MCHR2: variants seen among roughly 807,000 people sequenced by gnomAD.
The protein encoded by MCHR2 is melanin concentrating hormone receptor 2, also known as melanin-concentrating hormone receptor 2.
MCHR2 carries 15 observed loss-of-function variants against 24.8 expected under a neutral mutation model. The ratio of observed to expected loss-of-function variants is 0.60; its 90% CI spans 0.40 to 0.93. The LOEUF is 0.93. Among genes scored for constraint, MCHR2 ranks in the 40% least tolerant of loss-of-function variants. The probability of loss-of-function intolerance (pLI) is 0.00; values close to 1 mark genes in which losing one functional copy is unlikely to be tolerated. For synonymous variants in MCHR2, 151 were observed against 147.6 expected (o/e 1.02, Z -0.17); for missense variants, 386 against 408.7 (o/e 0.94, Z 0.48).
chr6:99,992,802 C>A (rs933657413), intron 1 of MCHR2, among the ~76,000 whole-genome samples: 1 of 152,158 alleles, frequency 6.6e-6, no homozygotes, highest in South Asian at 2.1e-4. Flanking sequence ...GGCATGTCTG[C>A]TCTGCAAAAG....
intron 1 of MCHR2, among the ~76,000 whole-genome samples, chr6:99,983,126 A>T (rs934162764): frequency 8.3e-5 from 9 of 108,062 alleles, no homozygotes; most frequent in African/African-American, 2.4e-4. Context: ...ATGCCCAGCT[A>T]ATTTTTGGTT....
chr6:99,948,370 G>A lies in MCHR2; in HGVS notation c.183-399C>T, dbSNP rs1032429460. 9.2e-5 allele frequency among the ~76,000 whole-genome samples: 14 copies of A among 152,140 alleles called. 1 individual carries two copies. In the East Asian group the frequency reaches 2.5e-3, roughly 27 times the overall value. ...TGGATTGCTTTCCCTGGTGGTAGCC[G>A]GCTACCATCTTGTGAGGATACTCAA... On this transcript the variant is annotated intron_variant, in intron 2 of 5. Transcript: ENST00000281806.
chr6:99,954,910 CATA>C (rs1471762621), intron 2 of MCHR2, among the ~76,000 whole-genome samples: 1 of 152,086 alleles, frequency 6.6e-6, no homozygotes, highest in Non-Finnish European at 1.5e-5. Context: ...ATAAGTGAGA[CATA>C]ATGAATTTTG....
rs775793953 is a variant in MCHR2 at position 99,956,153 on chromosome 6, G to A, written c.-6C>T. On this transcript the variant is annotated 5_prime_UTR_variant, in exon 2 of 6. It adds an upstream start codon to the 5' untranslated region. Coordinates refer to ENST00000281806, the MANE Select transcript of MCHR2 (RefSeq NM_001040179.2). Reference sequence around the variant, plus strand: ...GATGCATGAAATGGATTCATTGTTCGTGGACTTTCCAGGGATTAAAGCTGT... The same window carrying A: ...GATGCATGAAATGGATTCATTGTTCATGGACTTTCCAGGGATTAAAGCTGT... 13 of 1,604,866 alleles carry A rather than the reference G, an allele frequency of 8.1e-6. No individual in the cohort carries two copies. Among genetic ancestry groups the A allele is most frequent in the African/African-American group, 1.3e-5 (1 of 74,590 alleles).
At chr6:99,929,606 C>G (rs1011324705) in intron 5 of MCHR2, among the ~76,000 whole-genome samples, 2 of 151,840 alleles carry the variant, frequency 1.3e-5, no homozygotes, top group African/African-American at 2.4e-5. Context: ...CCTTCTTTGT[C>G]TCTTCTGATC....
At chr6:99,927,188 GATC>G (rs1774383589) in intron 5 of MCHR2, among the ~76,000 whole-genome samples, 1 of 152,048 alleles carries the variant, frequency 6.6e-6, no homozygotes, top group South Asian at 2.1e-4. Context: ...CTGTTCCATT[GATC>G]TATATCTCTG....
At chr6:99,930,720 T>C (rs1428334157) in intron 5 of MCHR2, among the ~76,000 whole-genome samples, 1 of 152,212 alleles carries the variant, frequency 6.6e-6, no homozygotes, top group South Asian at 2.1e-4. Context: ...CTGTATTGGT[T>C]ATTCTAGTTA....
chr6:99,927,563 G>A (rs1285212532), intron 5 of MCHR2, among the ~76,000 whole-genome samples: 3 of 152,096 alleles, frequency 2.0e-5, no homozygotes, highest in Non-Finnish European at 4.4e-5. Flanking sequence ...TCCCTTGTAA[G>A]TTGGATTCCT....
chr6:99,988,814 T>C (rs1582416198), intron 1 of MCHR2, among the ~76,000 whole-genome samples: 1 of 152,322 alleles, frequency 6.6e-6, no homozygotes, highest in Middle Eastern at 3.4e-3. Flanking sequence ...TAATAGTTGA[T>C]TGTTATTGGG....
intron 5 of MCHR2, among the ~76,000 whole-genome samples, chr6:99,929,082 C>A (rs1290401064): frequency 6.6e-6 from 1 of 152,106 alleles, no homozygotes; most frequent in Non-Finnish European, 1.5e-5. Context: ...TTTCTGCCTT[C>A]ATTTCGTTAT....
intron 2 of MCHR2, among the ~76,000 whole-genome samples, chr6:99,954,106 C>T (rs1046099011): frequency 6.6e-6 from 1 of 152,054 alleles, no homozygotes; most frequent in African/African-American, 2.4e-5. Flanking sequence ...GCAAATCCAA[C>T]AACTGTCTCT....
At chr6:99,950,160 T>C (rs987753863) in intron 2 of MCHR2, among the ~76,000 whole-genome samples, 1 of 152,154 alleles carries the variant, frequency 6.6e-6, no homozygotes, top group Non-Finnish European at 1.5e-5. Context: ...GTCTAGATGA[T>C]ATTCTGTATA....
intron 4 of MCHR2, among the ~76,000 whole-genome samples, chr6:99,935,347 A>G (rs1774634949): frequency 6.6e-6 from 1 of 151,998 alleles, no homozygotes; most frequent in Non-Finnish European, 1.5e-5. Flanking sequence ...CCACTTAATT[A>G]TCTTTTCTTC....
intron 4 of MCHR2, among the ~76,000 whole-genome samples, chr6:99,937,396 G>C (rs1395988587): frequency 6.6e-6 from 1 of 151,812 alleles, no homozygotes; most frequent in East Asian, 1.9e-4. Flanking sequence ...TAACCAGTTT[G>C]ATGAGGGTTT....
intron 1 of MCHR2, among the ~76,000 whole-genome samples, chr6:99,961,682 G>T (rs866329110): frequency 1.3e-5 from 2 of 151,988 alleles, no homozygotes; most frequent in Admixed American, 1.3e-4. Flanking sequence ...CAGGGTGGGG[G>T]ACATCACACA....
intron 1 of MCHR2, among the ~76,000 whole-genome samples, chr6:99,987,740 AC>A (rs1396761094): frequency 2.0e-5 from 3 of 152,202 alleles, no homozygotes; most frequent in Admixed American, 6.5e-5. Flanking sequence ...GAGTTAAAAA[AC>A]AATAAAAATT....
intron 4 of MCHR2, among the ~76,000 whole-genome samples, chr6:99,936,266 T>C (rs1384758281): frequency 1.3e-5 from 2 of 152,020 alleles, no homozygotes; most frequent in East Asian, 3.9e-4. Context: ...GTATGAAAAG[T>C]CTTTGCCCAG....
chr6:99,980,572 C>T (rs7746145), intron 1 of MCHR2, among the ~76,000 whole-genome samples: 88,142 of 151,478 alleles, frequency 0.58, 25,734 homozygotes, highest in Non-Finnish European at 0.59. Flanking sequence ...TGTGCGCTCA[C>T]GCACATGAGT....
At chr6:99,967,104 C>T (rs1051842948) in intron 1 of MCHR2, among the ~76,000 whole-genome samples, 1 of 151,700 alleles carries the variant, frequency 6.6e-6, no homozygotes, top group Non-Finnish European at 1.5e-5. Context: ...TGAAATATGA[C>T]CCCAGAAAAC....
Sources: allele counts gnomAD v4.1 joint callset (sites outside exome capture counted in the v4.1 genomes callset), GRCh38; gene constraint gnomAD v4.1.1; transcripts MANE v1.5; gene names NCBI Gene and HGNC (gene_info 2026-07-23, HGNC 2026-07-21).